GALK2: variants seen among roughly 807,000 people sequenced by gnomAD.
GALK2 encodes the protein N-acetylgalactosamine kinase.
In GALK2, 36 loss-of-function variants were observed where a neutral mutation model predicts 52.4. The ratio of observed to expected loss-of-function variants is 0.69; its 90% CI spans 0.53 to 0.91. The LOEUF (loss-of-function observed/expected upper bound fraction) is 0.91. Among genes scored for constraint, GALK2 ranks in the 40% least tolerant of loss-of-function variants. The pLI is 0.00. For synonymous variants in GALK2, 176 were observed against 199.1 expected (o/e 0.88, Z 0.98); for missense variants, 579 against 559.1 (o/e 1.04, Z -0.36).
At chr15:49,155,992 C>A (rs774917422) in exon 1 of GALK2, 1 of 1,614,180 alleles carries the variant, frequency 6.2e-7, no homozygotes, top group East Asian at 2.2e-5. Flanking sequence ...GGAGAAAAGG[C>A]TGACATGCCC....
At chr15:49,287,794 A>G (rs2033524186) in intron 7 of GALK2, among the ~76,000 whole-genome samples, 1 of 152,138 alleles carries the variant, frequency 6.6e-6, no homozygotes. Flanking sequence ...CTTTCTTCCT[A>G]TTTTTCTCAG....
At position 49,292,140 on chromosome 15, in the gene GALK2, A is replaced by G. The variant is rs2034000258; in HGVS notation, c.757-187A>G. On this transcript the variant is annotated intron_variant, in intron 7 of 9. Transcript: ENST00000560031. ...TACCTACCTAGTCTGTGAGTGTAAT[A>G]CAGACATGTTTAATTCCAGGCATCT... Among the ~76,000 whole-genome samples the G allele has an allele frequency of 3.9e-5, 6 of 152,138 alleles. No individual in the cohort carries two copies. In the South Asian group the frequency reaches 1.2e-3, roughly 31 times the overall value.
intron 1 of GALK2, among the ~76,000 whole-genome samples, chr15:49,191,321 T>TTG (rs1020514755): frequency 6.6e-6 from 1 of 152,072 alleles, no homozygotes; most frequent in Non-Finnish European, 1.5e-5. Flanking sequence ...AATTTGGCTA[T>TTG]TGTCTCTCTC....
chr15:49,240,723 C>G (rs537531345), intron 5 of GALK2, among the ~76,000 whole-genome samples: 1 of 152,242 alleles, frequency 6.6e-6, no homozygotes, highest in South Asian at 2.1e-4. Context: ...AAAAAAATGT[C>G]TCAATATGGT....
In GALK2 at chr15:49,171,043, TTTTC is replaced by T. The variant is rs1415578034; in HGVS notation, c.53+675_53+678del. On this transcript the variant is annotated intron_variant, in intron 1 of 9. Coordinates refer to ENST00000560031, the MANE Select transcript of GALK2 (RefSeq NM_002044.4). The stretch of plus-strand genomic sequence containing the variant: ...CTCTGCTTTTGCTGTTTTTCTTTTC[TTTTC>T]TTTCTTCCTTCCTTTCTTTTTTCTT... Among the ~76,000 whole-genome samples the T allele has an allele frequency of 4.1e-3, 625 of 152,074 alleles. 11 individuals are homozygous for T. Among genetic ancestry groups the T allele is most frequent in the African/African-American group, 0.014 (598 of 41,478 alleles).
At chr15:49,160,847 C>G (rs1487591744) in intron 1 of GALK2, among the ~76,000 whole-genome samples, 1 of 151,356 alleles carries the variant, frequency 6.6e-6, no homozygotes, top group Non-Finnish European at 1.5e-5. Flanking sequence ...GCACTCTAGC[C>G]TGGTGATAGA....
exon 1 of GALK2, chr15:49,155,851 C>T: frequency 3.3e-6 from 3 of 907,304 alleles, no homozygotes; most frequent in Non-Finnish European, 5.2e-6. Flanking sequence ...CGAAGGGCGT[C>T]GGAAACTGCG....
intron 5 of GALK2, among the ~76,000 whole-genome samples, chr15:49,260,342 T>C (rs1333574021): frequency 6.6e-6 from 1 of 151,880 alleles, no homozygotes; most frequent in Non-Finnish European, 1.5e-5. Context: ...TTTCATGTGT[T>C]TTTTGGCTGC....
At chr15:49,319,877 C>A in intron 9 of GALK2, 72 bp downstream of exon 9, 1 of 1,298,938 alleles carries the variant, frequency 7.7e-7, no homozygotes, top group Non-Finnish European at 1.1e-6. Flanking sequence ...AAAAATGCAA[C>A]ATTTCATAAT....
intron 5 of GALK2, among the ~76,000 whole-genome samples, chr15:49,249,466 G>T: frequency 6.6e-6 from 1 of 152,186 alleles, no homozygotes; most frequent in East Asian, 1.9e-4. Flanking sequence ...AGTTAAACTG[G>T]CTTAATACCT....
At chr15:49,303,587 A>G (rs2035298501) in intron 8 of GALK2, among the ~76,000 whole-genome samples, 1 of 152,136 alleles carries the variant, frequency 6.6e-6, no homozygotes, top group Non-Finnish European at 1.5e-5. Flanking sequence ...CATTCTTAGT[A>G]TATTTACTTA....
chr15:49,257,142 G>T (rs2091846544), intron 5 of GALK2, among the ~76,000 whole-genome samples: 1 of 152,146 alleles, frequency 6.6e-6, no homozygotes, highest in South Asian at 2.1e-4. Flanking sequence ...ACTGGCTGGT[G>T]ACTGTCATTA....
At chr15:49,317,848 G>A (rs1292637921) in intron 8 of GALK2, among the ~76,000 whole-genome samples, 2 of 152,094 alleles carry the variant, frequency 1.3e-5, no homozygotes, top group Non-Finnish European at 2.9e-5. Context: ...TCATAAGTGG[G>A]AGTTGAACAA....
intron 2 of GALK2, among the ~76,000 whole-genome samples, chr15:49,206,835 C>G (rs1295731486): frequency 6.6e-6 from 1 of 152,136 alleles, no homozygotes; most frequent in Non-Finnish European, 1.5e-5. Flanking sequence ...ATATTTCTTT[C>G]TCTTGTCTGA....
chr15:49,232,537 A>G (rs2090559871), intron 3 of GALK2, among the ~76,000 whole-genome samples: 1 of 152,182 alleles, frequency 6.6e-6, no homozygotes, highest in African/African-American at 2.4e-5. Context: ...TCCTCCAAAA[A>G]GGCCTTTTCT....
chr15:49,299,201 G>C (rs1021946681), intron 8 of GALK2, among the ~76,000 whole-genome samples: 1 of 151,828 alleles, frequency 6.6e-6, no homozygotes, highest in Non-Finnish European at 1.5e-5. Flanking sequence ...AGTGTCTGAG[G>C]GTTTTTTGTA....
rs577323697 is a variant in GALK2 at position 49,179,845 on chromosome 15, G to T, written c.53+9470G>T. Among the ~76,000 whole-genome samples the T allele has an allele frequency of 2.6e-5, 4 of 152,034 alleles. No individual in the cohort carries two copies. The East Asian group carries it at 7.7e-4, about 29-fold the overall frequency. The stretch of plus-strand genomic sequence containing the variant: ...TTCAGTGACTGCATTAAGACACAAG[G>T]TCTTGTTGGTAGCTCACCTAGAGGT... On this transcript the variant is annotated intron_variant, in intron 1 of 9. Coordinates refer to ENST00000560031, the MANE Select transcript of GALK2 (RefSeq NM_002044.4).
intron 8 of GALK2, among the ~76,000 whole-genome samples, chr15:49,300,963 T>C (rs2035064532): frequency 6.6e-6 from 1 of 152,220 alleles, no homozygotes; most frequent in African/African-American, 2.4e-5. Context: ...AGTTTTTTGT[T>C]TCCATGTTTA....
chr15:49,275,034 G>A (rs535339281), intron 5 of GALK2, among the ~76,000 whole-genome samples: 105 of 152,032 alleles, frequency 6.9e-4, no homozygotes, highest in African/African-American at 2.4e-3. Flanking sequence ...TAATAAATAT[G>A]TACACCAGTA....
Sources: allele counts gnomAD v4.1 joint callset (sites outside exome capture counted in the v4.1 genomes callset), GRCh38; gene constraint gnomAD v4.1.1; transcripts MANE v1.5; gene names NCBI Gene and HGNC (gene_info 2026-07-23, HGNC 2026-07-21).